The following UGT2B7 variants were observed in gnomAD, a reference collection of about 807,000 sequenced individuals.
UGT2B7 encodes the protein UDP-glucuronosyltransferase 2B7.
A neutral mutation model predicts 51.9 loss-of-function variants in UGT2B7; 51 were observed. The observed-to-expected ratio is 0.98, with a 90% CI of 0.78 to 1.24. UGT2B7 has a LOEUF of 1.24. Ranked by LOEUF, UGT2B7 falls within the 50% of genes most tolerant of loss-of-function variation. The pLI is 0.00. For missense variants in UGT2B7, 727 were observed against 628.4 expected (o/e 1.16, Z -1.68); for synonymous variants, 225 against 211.6 (o/e 1.06, Z -0.55).
Position 69,112,592 on chromosome 4 carries a change from C to G in UGT2B7, c.1446C>G (p.Asp482Glu), listed in dbSNP as rs1339899746. The change falls in exon 6 of 6, where the codon GAC becomes GAG. Residue 482 changes from aspartate (D) to glutamate (E), a missense_variant. Physicochemically the swap from Asp to Glu is conservative, Grantham distance 45. Transcript: ENST00000305231. The part of the protein sequence containing the change: ...GAKHLRVAAH[D>E]LTWFQYHSLD... ...AACACCTTCGGGTTGCAGCCCACGA[C>G]CTCACCTGGTTCCAGTACCACTCTT... 1.2e-6 allele frequency: 2 copies of G among 1,613,982 alleles called. No individual in the cohort carries two copies. Among genetic ancestry groups the G allele is most frequent in the Admixed American group, 3.3e-5 (2 of 60,016 alleles).
At chr4:69,106,200 A>G (rs1037600452) in intron 3 of UGT2B7, among the ~76,000 whole-genome samples, 28 of 152,192 alleles carry the variant, frequency 1.8e-4, no homozygotes, top group African/African-American at 6.5e-4. Flanking sequence ...TGTTCGTTTC[A>G]TCACCCAGAT....
rs748812580 is a variant in UGT2B7, at chr4:69,096,829, T to C, written c.309T>C (p.Asp103=). 11 of 1,613,828 alleles carry C rather than the reference T, an allele frequency of 6.8e-6. No individual in the cohort carries two copies. Among genetic ancestry groups the C allele is most frequent in the Non-Finnish European group, 9.3e-6 (11 of 1,179,890 alleles). ...QIKRWSDLPK[D]TFWLYFSQVQ... Reference sequence around the variant, plus strand: ...AGAGATGGTCAGACCTTCCAAAAGATACATTTTGGTTATATTTTTCACAAG... The same window carrying C: ...AGAGATGGTCAGACCTTCCAAAAGACACATTTTGGTTATATTTTTCACAAG... Residue 103 remains aspartate, a synonymous_variant, in exon 1 of 6, where the codon GAT becomes GAC. Coordinates refer to ENST00000305231, the MANE Select transcript of UGT2B7 (RefSeq NM_001074.4).
intron 1 of UGT2B7, among the ~76,000 whole-genome samples, chr4:69,075,411 C>T (rs74666184): frequency 0.18 from 27,847 of 151,972 alleles, 2,651 homozygotes; most frequent in African/African-American, 0.21. Flanking sequence ...CTCTCCTTCT[C>T]CCTCTTTCCC....
At chr4:69,109,393 A>G (rs996371615) in intron 5 of UGT2B7, among the ~76,000 whole-genome samples, 3 of 152,088 alleles carry the variant, frequency 2.0e-5, no homozygotes, top group African/African-American at 7.2e-5. Context: ...ACTTTTGCCA[A>G]ACCTGTTATT....
intron 5 of UGT2B7, among the ~76,000 whole-genome samples, chr4:69,109,233 GT>G (rs1335168579): frequency 1.3e-5 from 2 of 152,042 alleles, no homozygotes; most frequent in Non-Finnish European, 2.9e-5. Context: ...GCATAAACAT[GT>G]TTTCCTTTCT....
intron 1 of UGT2B7, among the ~76,000 whole-genome samples, chr4:69,061,945 G>A (rs1054048652): frequency 6.6e-6 from 1 of 152,198 alleles, no homozygotes; most frequent in African/African-American, 2.4e-5. Context: ...GAGAAGGCAT[G>A]AGAGTTGATG....
chr4:69,107,041 C>A (rs769329194), intron 3 of UGT2B7, 134 bp from the exon 4 acceptor site: 186 of 953,472 alleles, frequency 2.0e-4, no homozygotes, highest in Non-Finnish European at 2.7e-4. Flanking sequence ...TGTGAGTATT[C>A]TATTTACATT....
At chr4:69,094,667 T>C (rs1719172554), upstream of UGT2B7, among the ~76,000 whole-genome samples, 1 of 152,208 alleles carries the variant, frequency 6.6e-6, no homozygotes, top group Non-Finnish European at 1.5e-5. Flanking sequence ...TGGCCGCTAG[T>C]ACTTAGCATG....
At chr4:69,055,870 G>C (rs1478004962) in intron 1 of UGT2B7, among the ~76,000 whole-genome samples, 1 of 152,218 alleles carries the variant, frequency 6.6e-6, no homozygotes, top group African/African-American at 2.4e-5. Flanking sequence ...AGCTGTCTTA[G>C]ACAAAAGCTC....
At position 69,112,984 on chromosome 4, in the gene UGT2B7, C is replaced by G. The variant is rs1719831077; in HGVS notation, c.*248C>G. ...CGGAAAATAAAAAATAAGATAAAGCCTTATGAGCTCGTATTGAAATTTGTT... is the reference window on the plus strand; with the variant it reads ...CGGAAAATAAAAAATAAGATAAAGCGTTATGAGCTCGTATTGAAATTTGTT... On this transcript the variant is annotated 3_prime_UTR_variant, in exon 6 of 6. Coordinates refer to ENST00000305231, the MANE Select transcript of UGT2B7 (RefSeq NM_001074.4). The G allele has an allele frequency of 4.7e-6, 2 of 423,286 alleles. No individual in the cohort carries two copies. Among genetic ancestry groups the G allele is most frequent in the Non-Finnish European group, 3.9e-6 (1 of 257,540 alleles). The allele number at this position is 423,286 out of a possible 1,614,324, so 26.2% of individuals were successfully genotyped here.
intron 1 of UGT2B7, among the ~76,000 whole-genome samples, chr4:69,072,394 T>C (rs1577911418): frequency 6.6e-6 from 1 of 152,110 alleles, no homozygotes; most frequent in African/African-American, 2.4e-5. Context: ...ACTACAGAAG[T>C]TGGAGACGAA....
rs185701792 is a variant in UGT2B7, at chr4:69,072,682, G to C, written c.-158-16790G>C. 1.8e-3 allele frequency among the ~76,000 whole-genome samples: 269 copies of C among 152,078 alleles called. 2 individuals carry two copies. Among genetic ancestry groups the C allele is most frequent in the African/African-American group, 6.3e-3 (261 of 41,502 alleles). On this transcript the variant is annotated intron_variant, in intron 1 of 5. Transcript: ENST00000502942. ...AATAACAGTAAAGAGCAGGGTCTTGGGGGGGTTGTGTCTTCTGGCATCTAC... is the reference window on the plus strand; with the variant it reads ...AATAACAGTAAAGAGCAGGGTCTTGCGGGGGTTGTGTCTTCTGGCATCTAC...
intron 1 of UGT2B7, among the ~76,000 whole-genome samples, chr4:69,089,076 A>G (rs1277898588): frequency 1.3e-5 from 2 of 152,108 alleles, no homozygotes; most frequent in Non-Finnish European, 2.9e-5. Context: ...TTGTATTTAC[A>G]TAGTTACTAG....
intron 1 of UGT2B7, among the ~76,000 whole-genome samples, chr4:69,058,518 A>C (rs959832433): frequency 1.3e-5 from 2 of 152,206 alleles, no homozygotes; most frequent in Admixed American, 1.3e-4. Flanking sequence ...TGCAAAGTTT[A>C]AGGGAAGGCG....
chr4:69,108,399 C>T, intron 5 of UGT2B7, 77 bp downstream of exon 5: 1 of 1,509,154 alleles, frequency 6.6e-7, no homozygotes, highest in Non-Finnish European at 9.1e-7. Flanking sequence ...GAGTTTCATC[C>T]TTTTTATAAG....
chr4:69,064,949 G>T (rs1442698066), intron 1 of UGT2B7, among the ~76,000 whole-genome samples: 1 of 152,142 alleles, frequency 6.6e-6, no homozygotes, highest in Non-Finnish European at 1.5e-5. Context: ...TATTATGATA[G>T]TGGTGGCAGG....
rs529305582 is a variant in UGT2B7 at position 69,061,844 on chromosome 4, C to G, written c.-159+10242C>G. Among the ~76,000 whole-genome samples, 3 of 152,272 alleles carry G rather than the reference C, an allele frequency of 2.0e-5. No homozygotes were observed. The East Asian group carries it at 5.8e-4, about 29-fold the overall frequency. On this transcript the variant is annotated intron_variant, in intron 1 of 5. Transcript: ENST00000502942. Reference sequence around the variant, plus strand: ...CCTGTGAAAACCTGCTTATGGACTTCTCCGAATTGCCCCAAGCAGGGGTCT... The same window carrying G: ...CCTGTGAAAACCTGCTTATGGACTTGTCCGAATTGCCCCAAGCAGGGGTCT...
In UGT2B7 at chr4:69,080,290, G is replaced by A. The variant is rs532374966; in HGVS notation, c.-158-9182G>A. Among the ~76,000 whole-genome samples the A allele has an allele frequency of 1.2e-4, 18 of 152,174 alleles. No homozygotes were observed. The South Asian group carries it at 1.7e-3, about 14-fold the overall frequency. On this transcript the variant is annotated intron_variant, in intron 1 of 5. Coordinates refer to the UGT2B7 transcript ENST00000502942. The stretch of plus-strand genomic sequence containing the variant: ...CTGCCAGGTGTGGTGGCTCACACCT[G>A]TAATCCCAGCACTTTGGGATGACAA...
chr4:69,063,115 C>T (rs924575093), intron 1 of UGT2B7, among the ~76,000 whole-genome samples: 182 of 151,542 alleles, frequency 1.2e-3, no homozygotes, highest in African/African-American at 4.2e-3. Context: ...GTCAGGAGAT[C>T]GAGACCATCC....
Sources: gnomAD v4.1 joint callset for allele counts (sites outside exome capture counted in the v4.1 genomes callset) on GRCh38, gnomAD v4.1.1 for gene constraint, MANE v1.5 for transcripts, NCBI Gene and HGNC (gene_info 2026-07-23, HGNC 2026-07-21) for gene names.